Variants in COL27A1 observed in about 807,000 individuals in gnomAD.
COL27A1 encodes collagen type XXVII alpha 1 chain, also known as collagen alpha-1(XXVII) chain.
COL27A1 carries 106 observed loss-of-function variants against 251.3 expected under a neutral mutation model. The ratio of observed to expected loss-of-function variants is 0.42; its 90% confidence interval spans 0.36 to 0.50. The LOEUF (loss-of-function observed/expected upper bound fraction) is 0.50, where lower values mean the gene tolerates loss of function less well. Among genes scored for constraint, COL27A1 ranks in the 20% least tolerant of loss-of-function variants. The pLI is 0.00. For missense variants in COL27A1, 2,325 were observed against 2,522.8 expected, an observed-to-expected ratio of 0.92 and a Z score of 1.68; for synonymous variants, 1,000 against 986.3, an observed-to-expected ratio of 1.01 and a Z score of -0.26.
At chr9:114,179,041 A>G (rs1827694300) in intron 4 of COL27A1, among the ~76,000 whole-genome samples, 4 of 152,108 alleles carry the variant, frequency 2.6e-5, no homozygotes, top group Admixed American at 2.6e-4. Context: ...ACCCTTGGAG[A>G]TCCCCTTAGA....
At chr9:114,263,089 C>T (rs1834468645) in intron 28 of COL27A1, among the ~76,000 whole-genome samples, 2 of 152,050 alleles carry the variant, frequency 1.3e-5, no homozygotes, top group African/African-American at 4.8e-5. Context: ...CAGGCACACA[C>T]CACCATGCCT....
chr9:114,161,583 G>A (rs1217289580), intron 1 of COL27A1, among the ~76,000 whole-genome samples: 1 of 152,184 alleles, frequency 6.6e-6, no homozygotes, highest in South Asian at 2.1e-4. Flanking sequence ...TGATTCCACA[G>A]AAGCACACTA....
chr9:114,197,899 C>A (rs1184470146), intron 7 of COL27A1, among the ~76,000 whole-genome samples: 1 of 152,220 alleles, frequency 6.6e-6, no homozygotes, highest in Non-Finnish European at 1.5e-5. Context: ...AGCTCAGGTC[C>A]CAAGGCAGAG....
At chr9:114,186,827 C>T (rs1828376903) in intron 5 of COL27A1, among the ~76,000 whole-genome samples, 1 of 152,158 alleles carries the variant, frequency 6.6e-6, no homozygotes, top group African/African-American at 2.4e-5. Context: ...TGGAGCTGCC[C>T]CTGGGGCAGG....
chr9:114,187,545 C>T (rs146073021), intron 5 of COL27A1, among the ~76,000 whole-genome samples: 87 of 152,370 alleles, frequency 5.7e-4, no homozygotes, highest in African/African-American at 2.0e-3. Flanking sequence ...TGGCAGAGCA[C>T]GCATTCAAAC....
In COL27A1 at chr9:114,299,932, C is replaced by T. The variant is rs1350927848; in HGVS notation, c.4585-138C>T. 5 of 745,530 alleles carry T rather than the reference C, an allele frequency of 6.7e-6. No individual in the cohort carries two copies. The African/African-American group carries it at 6.9e-5, about 10-fold the overall frequency. The allele number at this position is 745,530 out of a possible 1,614,324, so 46.2% of individuals were successfully genotyped here. On this transcript the variant is annotated intron_variant, in intron 49 of 60. Coordinates refer to ENST00000356083, the MANE Select transcript of COL27A1 (RefSeq NM_032888.4). ...CTAGTTTGTGAGCTGTTCACACTCA[C>T]TTGGTCGCTTCACAGAGGAGTCACT...
chr9:114,218,941 C>T (rs1008021856), intron 12 of COL27A1, among the ~76,000 whole-genome samples: 1 of 116,754 alleles, frequency 8.6e-6, no homozygotes, highest in African/African-American at 3.0e-5. Flanking sequence ...GTCAGGAAAA[C>T]ATGTGCTTTG....
intron 49 of COL27A1, among the ~76,000 whole-genome samples, chr9:114,293,696 C>A (rs1207492134): frequency 6.6e-6 from 1 of 151,972 alleles, no homozygotes; most frequent in Non-Finnish European, 1.5e-5. Flanking sequence ...AATGTCACTA[C>A]AGATATGACA....
rs1827981428 is a variant in COL27A1 at position 114,292,345 on chromosome 9, G to A, written c.4584+135G>A. The A allele has an allele frequency of 8.5e-6, 6 of 706,660 alleles. No homozygotes were observed. In the South Asian group the frequency reaches 1.0e-4, roughly 12 times the overall value. 43.8% of individuals were successfully genotyped at this position (706,660 alleles called of 1,614,324 possible). ...GACCCAGAAGCCACCTCCTTGCTCT[G>A]TGACAAGGTATAAAATCTGGGTACC... On this transcript the variant is annotated intron_variant, in intron 49 of 60. Transcript: ENST00000356083.
At chr9:114,306,447 G>A in intron 57 of COL27A1, 73 bp from the exon 58 acceptor site, 1 of 1,482,756 alleles carries the variant, frequency 6.7e-7, no homozygotes, top group Non-Finnish European at 9.3e-7. Context: ...TGAGAACTGG[G>A]GGCTGTGGAG....
chr9:114,184,955 G>T (rs1039470568), intron 5 of COL27A1, among the ~76,000 whole-genome samples: 13 of 152,174 alleles, frequency 8.5e-5, no homozygotes, highest in African/African-American at 3.1e-4. Context: ...GACCAGTGGA[G>T]CCTGTCTCCT....
At chr9:114,302,662 C>T (rs570716909) in intron 56 of COL27A1, among the ~76,000 whole-genome samples, 7 of 149,974 alleles carry the variant, frequency 4.7e-5, no homozygotes, top group Non-Finnish European at 1.0e-4. Context: ...GAGCCAAGAT[C>T]GAGCCACTGC....
In COL27A1 at chr9:114,235,450, C is replaced by T. The variant is rs532870811; in HGVS notation, c.2566-149C>T. On this transcript the variant is annotated intron_variant, in intron 16 of 60. Transcript: ENST00000356083. ...ACCGCCTGCTTTCCTCGCCAGGGGCCCGTCCTTTCCTCTCACAAGGCTGCT... is the reference window on the plus strand; with the variant it reads ...ACCGCCTGCTTTCCTCGCCAGGGGCTCGTCCTTTCCTCTCACAAGGCTGCT... 4.1e-4 allele frequency: 304 copies of T among 735,470 alleles called. 1 individual carries two copies. In the South Asian group the frequency reaches 4.3e-3, roughly 11 times the overall value. The allele number at this position is 735,470 out of a possible 1,614,324, so 45.6% of individuals were successfully genotyped here. A position where few individuals can be genotyped will look rare whatever the true frequency, so the allele number is the denominator to read the frequency against.
intron 36 of COL27A1, among the ~76,000 whole-genome samples, chr9:114,275,220 C>T (rs1252486824): frequency 1.3e-5 from 2 of 151,804 alleles, no homozygotes; most frequent in East Asian, 1.9e-4. Context: ...CCTATAATTG[C>T]GCCTCTGCAC....
chr9:114,243,690 A>G (rs1391548886), intron 23 of COL27A1, 130 bp downstream of exon 23: 1 of 687,980 alleles, frequency 1.5e-6, no homozygotes, highest in East Asian at 2.7e-5. Context: ...TGTTTAGAAC[A>G]AAGTATTGGT....
chr9:114,196,793 G>A (rs1829167842), intron 7 of COL27A1, among the ~76,000 whole-genome samples: 1 of 152,036 alleles, frequency 6.6e-6, no homozygotes, highest in Non-Finnish European at 1.5e-5. Context: ...CTGGGTAGTG[G>A]GTCTGTAACT....
intron 53 of COL27A1, 59 bp from the exon 54 acceptor site, chr9:114,301,386 G>T: frequency 1.2e-6 from 2 of 1,612,484 alleles, no homozygotes; most frequent in South Asian, 1.1e-5. Context: ...GGCTCCCAGA[G>T]TTGGGCCATG....
chr9:114,198,603 C>A (rs1379415957), intron 7 of COL27A1, among the ~76,000 whole-genome samples: 1 of 152,168 alleles, frequency 6.6e-6, no homozygotes, highest in Non-Finnish European at 1.5e-5. Context: ...GGATTCGAAC[C>A]CAGGTCTTCT....
intron 25 of COL27A1, 39 bp from the exon 26 acceptor site, chr9:114,252,554 C>A (rs892126607): frequency 6.3e-7 from 1 of 1,596,384 alleles, no homozygotes; most frequent in Non-Finnish European, 8.6e-7. Flanking sequence ...ACCCCACAGC[C>A]ATAGCCGTGA....
Sources: allele counts gnomAD v4.1 joint callset (sites outside exome capture counted in the v4.1 genomes callset), GRCh38; gene constraint gnomAD v4.1.1; transcripts MANE v1.5; gene names NCBI Gene and HGNC (gene_info 2026-07-23, HGNC 2026-07-21).